BANP: variants seen among roughly 807,000 people sequenced by gnomAD.
The protein encoded by BANP is BTG3 associated nuclear protein, also known as protein BANP.
BANP carries 11 observed loss-of-function variants against 68.1 expected under a neutral mutation model. The ratio of observed to expected loss-of-function variants is 0.16; its 90% CI spans 0.10 to 0.27. The LOEUF is 0.27. BANP is among the 10% of genes least tolerant of loss of function. BANP has a pLI of 1.00. For synonymous variants in BANP, 329 were observed against 303.2 expected (o/e 1.09, Z -0.88); for missense variants, 504 against 722.7 (o/e 0.70, Z 3.47).
chr16:88,035,352 G>A lies in BANP; in HGVS notation c.1230G>A (p.Gln410=). ...VIPQGHLHIA[Q]VPQGEQVQIT... ...CACAGGGACACCTCCACATCGCCCA[G>A]GTGCCGCAGGGGGAGCAAGTCCAGA... The change falls in exon 10 of 14, where the codon CAG becomes CAA. Residue 410 remains glutamine, a synonymous_variant. Coordinates refer to ENST00000682872, the MANE Select transcript of BANP (RefSeq NM_001386991.1). The A allele has an allele frequency of 6.2e-7, 1 of 1,611,700 alleles. No homozygotes were observed. Among genetic ancestry groups the A allele is most frequent in the Non-Finnish European group, 8.5e-7 (1 of 1,179,292 alleles).
chr16:88,037,465 G>A (rs2079640797), intron 10 of BANP: 1 of 157,212 alleles, frequency 6.4e-6, no homozygotes, highest in South Asian at 1.9e-4. Flanking sequence ...GGGTCTGACA[G>A]ACAACACAGT....
intron 1 of BANP, among the ~76,000 whole-genome samples, chr16:87,959,485 C>T (rs553368692): frequency 2.5e-4 from 38 of 152,306 alleles, no homozygotes; most frequent in African/African-American, 8.9e-4. Flanking sequence ...CACAGAGGAG[C>T]TGAGGTGTGA....
intron 11 of BANP, among the ~76,000 whole-genome samples, chr16:88,061,180 C>T (rs2086671283): frequency 6.6e-6 from 1 of 152,210 alleles, no homozygotes; most frequent in African/African-American, 2.4e-5. Context: ...ACTGTGGAGA[C>T]TGCTGTGCCT....
In BANP at chr16:88,049,327, A is replaced by G. The variant is rs1325696708; in HGVS notation, c.1311+11316A>G. ...TGTGTTTATTATCATAAAGAATACT[A>G]CATAGGCTACGGGTGTGGAGACACA... On this transcript the variant is annotated intron_variant, in intron 11 of 13. Transcript: ENST00000682872. Among the ~76,000 whole-genome samples the G allele has an allele frequency of 2.6e-5, 4 of 152,248 alleles. No homozygotes were observed. The South Asian group carries it at 6.2e-4, about 24-fold the overall frequency.
chr16:88,020,023 G>A (rs1808608898), intron 7 of BANP, among the ~76,000 whole-genome samples: 1 of 152,196 alleles, frequency 6.6e-6, no homozygotes, highest in Non-Finnish European at 1.5e-5. Flanking sequence ...AGACACCAGC[G>A]GGCGCCCATC....
At chr16:88,016,768 G>C (rs2074671973) in intron 6 of BANP, among the ~76,000 whole-genome samples, 1 of 152,154 alleles carries the variant, frequency 6.6e-6, no homozygotes, top group African/African-American at 2.4e-5. Flanking sequence ...GCCGACCGAC[G>C]GATGTTCTGA....
intron 7 of BANP, among the ~76,000 whole-genome samples, chr16:88,024,341 C>T (rs540915958): frequency 1.8e-4 from 27 of 152,276 alleles, no homozygotes; most frequent in African/African-American, 6.0e-4. Flanking sequence ...CTGGCTTTTG[C>T]CTCAAAACCA....
chr16:87,973,436 C>G (rs914207238), intron 1 of BANP, among the ~76,000 whole-genome samples: 3 of 152,278 alleles, frequency 2.0e-5, no homozygotes, highest in South Asian at 2.1e-4. Context: ...GCACTTGGCT[C>G]CTTCTTCCAC....
chr16:88,066,873 C>T (rs1283149358), intron 12 of BANP, among the ~76,000 whole-genome samples: 3 of 152,130 alleles, frequency 2.0e-5, no homozygotes, highest in East Asian at 1.9e-4. Context: ...TCTCCCAGGG[C>T]AGAGGGGAGG....
intron 11 of BANP, among the ~76,000 whole-genome samples, chr16:88,047,628 C>T (rs1257654216): frequency 6.6e-6 from 1 of 152,138 alleles, no homozygotes; most frequent in Non-Finnish European, 1.5e-5. Context: ...TTCAGGGCGC[C>T]GGGCCTCACT....
intron 11 of BANP, among the ~76,000 whole-genome samples, chr16:88,052,706 CCAT>C (rs770065560): frequency 1.3e-5 from 2 of 152,034 alleles, no homozygotes; most frequent in African/African-American, 2.4e-5. Context: ...ACTATCATCT[CCAT>C]CATCATCACC....
At chr16:88,015,403 T>G (rs947449836) in intron 6 of BANP, among the ~76,000 whole-genome samples, 3 of 152,256 alleles carry the variant, frequency 2.0e-5, no homozygotes, top group African/African-American at 7.2e-5. Context: ...GCGCCTGCTT[T>G]CTGCCCAGGT....
intron 9 of BANP, among the ~76,000 whole-genome samples, 155 bp downstream of exon 9, chr16:88,033,400 T>A (rs1421502951): frequency 6.6e-6 from 1 of 152,184 alleles, no homozygotes; most frequent in Non-Finnish European, 1.5e-5. Flanking sequence ...GAGGTCATCG[T>A]GGCCATGAGC....
At chr16:87,949,361 T>C (rs1351719406), upstream of BANP, 1 of 152,228 alleles carries the variant, frequency 6.6e-6, no homozygotes, top group East Asian at 1.9e-4. Context: ...AATATTTGAA[T>C]GCAGCCGTGA....
intron 7 of BANP, among the ~76,000 whole-genome samples, chr16:88,022,335 AC>A (rs2076182798): frequency 6.6e-6 from 1 of 152,108 alleles, no homozygotes. Context: ...CCCTGAACAC[AC>A]CCGATCTCGT....
Position 88,004,877 on chromosome 16 carries a change from TG to T in BANP, c.479+469del, listed in dbSNP as rs2070510435. On this transcript the variant is annotated intron_variant, in intron 5 of 13. Coordinates refer to ENST00000682872, the MANE Select transcript of BANP (RefSeq NM_001386991.1). This position sits in a 1 kb window ranked among gnomAD's most constrained non-coding sequence, Gnocchi z 7.0. Reference sequence around the variant, plus strand: ...TTTTGAATGGAACTTTGGTCAGAGGTGGGAGTGGACAGAAGACACCGTCCCC... The same window carrying T: ...TTTTGAATGGAACTTTGGTCAGAGGTGGAGTGGACAGAAGACACCGTCCCC... Among the ~76,000 whole-genome samples, 1 of 151,926 alleles carries T rather than the reference TG, an allele frequency of 6.6e-6. No homozygotes were observed. Among genetic ancestry groups the T allele is most frequent in the Non-Finnish European group, 1.5e-5 (1 of 67,974 alleles).
At chr16:88,046,182 C>T (rs1292107364) in intron 11 of BANP, among the ~76,000 whole-genome samples, 1 of 152,244 alleles carries the variant, frequency 6.6e-6, no homozygotes, top group Non-Finnish European at 1.5e-5. Context: ...CCCTTAGAGC[C>T]TCCTGACGCG....
intron 1 of BANP, among the ~76,000 whole-genome samples, chr16:87,960,449 G>A (rs553369409): frequency 1.8e-4 from 28 of 152,228 alleles, no homozygotes; most frequent in African/African-American, 6.3e-4. Context: ...GTATTGGCAG[G>A]GTTTTGTTAT....
intron 5 of BANP, among the ~76,000 whole-genome samples, chr16:88,005,889 T>C (rs1467549999): frequency 6.6e-6 from 1 of 152,248 alleles, no homozygotes; most frequent in African/African-American, 2.4e-5. Context: ...GGTTAAGTTT[T>C]ATTTTATACA....
Sources: gnomAD v4.1 joint callset for allele counts (sites outside exome capture counted in the v4.1 genomes callset) on GRCh38, gnomAD v4.1.1 for gene constraint, Gnocchi (gnomAD v3.1) non-coding constraint, MANE v1.5 for transcripts, NCBI Gene and HGNC (gene_info 2026-07-23, HGNC 2026-07-21) for gene names.